The following ZNF804A variants were observed in gnomAD, a reference collection of about 807,000 sequenced individuals.
The protein encoded by ZNF804A is zinc finger protein 804A.
In ZNF804A, 2 loss-of-function variants were observed where a neutral mutation model predicts 16.5. The ratio of observed to expected loss-of-function variants is 0.12; its 90% confidence interval spans 0.05 to 0.38. The LOEUF is 0.38. ZNF804A is among the 10% of genes least tolerant of loss of function. The probability of loss-of-function intolerance (pLI) is 0.99; values close to 1 mark genes in which losing one functional copy is unlikely to be tolerated. For missense variants in ZNF804A, 1,473 were observed against 1,390.7 expected (o/e 1.06, Z -0.94); for synonymous variants, 534 against 489.6 (o/e 1.09, Z -1.20).
intron 2 of ZNF804A, among the ~76,000 whole-genome samples, chr2:184,895,248 G>T (rs1264950122): frequency 6.6e-6 from 1 of 151,954 alleles, no homozygotes; most frequent in Non-Finnish European, 1.5e-5. Flanking sequence ...GAGAGAGAGA[G>T]AGAGAGAAAA....
At chr2:184,650,785 A>G (rs1472493398) in intron 1 of ZNF804A, among the ~76,000 whole-genome samples, 2 of 152,140 alleles carry the variant, frequency 1.3e-5, no homozygotes, top group African/African-American at 4.8e-5. Flanking sequence ...TAAAATACTG[A>G]TGAAAGAAGT....
At chr2:184,742,859 A>T (rs993126162) in intron 1 of ZNF804A, among the ~76,000 whole-genome samples, 1 of 151,918 alleles carries the variant, frequency 6.6e-6, no homozygotes, top group Non-Finnish European at 1.5e-5. Context: ...TAGGAGTCTA[A>T]TAGGAACAGA....
At position 184,683,684 on chromosome 2, in the gene ZNF804A, A is replaced by G. The variant is rs984182752; in HGVS notation, c.111+84614A>G. Among the ~76,000 whole-genome samples the G allele has an allele frequency of 1.0e-3, 154 of 152,190 alleles. 2 individuals are homozygous for G. The highest frequency in any genetic ancestry group is 4.1e-4 in the Non-Finnish European group (28 of 68,016). Reference sequence around the variant, plus strand: ...AGAGGGTGAGGGAAGTGAGACAAAAAAATTGTACAATGCTGATTTAAGAGT... The same window carrying G: ...AGAGGGTGAGGGAAGTGAGACAAAAGAATTGTACAATGCTGATTTAAGAGT... On this transcript the variant is annotated intron_variant, in intron 1 of 3. Coordinates refer to ENST00000302277, the MANE Select transcript of ZNF804A (RefSeq NM_194250.2).
intron 1 of ZNF804A, among the ~76,000 whole-genome samples, chr2:184,619,550 A>G (rs536407138): frequency 6.6e-6 from 1 of 152,144 alleles, no homozygotes; most frequent in African/African-American, 2.4e-5. Flanking sequence ...CTTGCAAGTT[A>G]ATATCATGCC....
intron 1 of ZNF804A, among the ~76,000 whole-genome samples, chr2:184,718,093 C>A (rs886347156): frequency 1.3e-5 from 2 of 152,184 alleles, no homozygotes; most frequent in African/African-American, 2.4e-5. Flanking sequence ...TACAGTTACA[C>A]ATGGCTGGGG....
At chr2:184,614,801 G>C (rs535381646) in intron 1 of ZNF804A, among the ~76,000 whole-genome samples, 1 of 152,202 alleles carries the variant, frequency 6.6e-6, no homozygotes, top group African/African-American at 2.4e-5. Context: ...ATTATCACTG[G>C]TCATTAGAGA....
chr2:184,811,176 A>G (rs532663953), intron 1 of ZNF804A, among the ~76,000 whole-genome samples: 4 of 152,304 alleles, frequency 2.6e-5, no homozygotes, highest in Admixed American at 1.3e-4. Flanking sequence ...TTACAATTAA[A>G]TGCTAGGATT....
chr2:184,724,022 A>G (rs1318523675), intron 1 of ZNF804A, among the ~76,000 whole-genome samples: 2 of 151,724 alleles, frequency 1.3e-5, no homozygotes, highest in South Asian at 2.1e-4. Context: ...GAAGTTCAAC[A>G]TAGTTTTGGC....
intron 1 of ZNF804A, among the ~76,000 whole-genome samples, chr2:184,664,097 T>C (rs1251794070): frequency 6.6e-6 from 1 of 152,230 alleles, no homozygotes; most frequent in African/African-American, 2.4e-5. Flanking sequence ...TTTATTATTG[T>C]TGCCTACCTC....
At chr2:184,744,729 CAAGT>C (rs756069524) in intron 1 of ZNF804A, among the ~76,000 whole-genome samples, 23 of 151,858 alleles carry the variant, frequency 1.5e-4, no homozygotes, top group Non-Finnish European at 2.9e-4. Flanking sequence ...ATTAACAACT[CAAGT>C]AAGTGTTAGT....
At chr2:184,795,857 C>T (rs1191522003) in intron 1 of ZNF804A, among the ~76,000 whole-genome samples, 1 of 152,128 alleles carries the variant, frequency 6.6e-6, no homozygotes, top group Non-Finnish European at 1.5e-5. Context: ...ATACAGCCCT[C>T]CTAGCTTAAA....
At chr2:184,687,517 C>G (rs1457943313) in intron 1 of ZNF804A, among the ~76,000 whole-genome samples, 1 of 152,100 alleles carries the variant, frequency 6.6e-6, no homozygotes, top group African/African-American at 2.4e-5. Context: ...GTGATTTATA[C>G]TTATTTAAAA....
intron 1 of ZNF804A, among the ~76,000 whole-genome samples, chr2:184,732,687 T>C (rs1693539295): frequency 6.6e-6 from 1 of 152,152 alleles, no homozygotes; most frequent in Non-Finnish European, 1.5e-5. Flanking sequence ...ATTTATTTAG[T>C]TATGTAATTT....
intron 2 of ZNF804A, among the ~76,000 whole-genome samples, chr2:184,898,920 T>C (rs1438245865): frequency 1.3e-5 from 2 of 152,014 alleles, no homozygotes; most frequent in African/African-American, 2.4e-5. Flanking sequence ...GTAACTATTT[T>C]ATGATAATAT....
intron 1 of ZNF804A, among the ~76,000 whole-genome samples, chr2:184,846,630 A>C (rs1281234249): frequency 1.3e-5 from 2 of 152,122 alleles, no homozygotes; most frequent in Admixed American, 1.3e-4. Context: ...CTGATTATGC[A>C]CAGAGAGACT....
At chr2:184,734,430 T>A (rs1003252380) in intron 1 of ZNF804A, among the ~76,000 whole-genome samples, 12 of 152,336 alleles carry the variant, frequency 7.9e-5, no homozygotes, top group African/African-American at 2.6e-4. Flanking sequence ...ACTTATGTGT[T>A]ATTTAGAAGT....
chr2:184,761,063 A>G (rs1694030972), intron 1 of ZNF804A, among the ~76,000 whole-genome samples: 1 of 152,190 alleles, frequency 6.6e-6, no homozygotes, highest in South Asian at 2.1e-4. Context: ...TAGAAAGCCA[A>G]CTAATGTGTT....
chr2:184,598,898 G>A lies in ZNF804A; in HGVS notation c.-62G>A. 8.4e-7 allele frequency: 1 copy of A among 1,186,274 alleles called. No individual in the cohort carries two copies. Among genetic ancestry groups the A allele is most frequent in the South Asian group, 1.6e-5 (1 of 62,792 alleles). The allele number at this position is 1,186,274 out of a possible 1,614,324, so 73.5% of individuals were successfully genotyped here. On this transcript the variant is annotated 5_prime_UTR_variant, in exon 1 of 4. Coordinates refer to ENST00000302277, the MANE Select transcript of ZNF804A (RefSeq NM_194250.2). ...CCACCGTCGCCGGCCCCGGCGCGCT[G>A]CGGCTGTGGGCGCGGGGTGCGTGGA...
intron 1 of ZNF804A, among the ~76,000 whole-genome samples, chr2:184,796,482 A>T (rs775940207): frequency 6.6e-6 from 1 of 152,106 alleles, no homozygotes; most frequent in African/African-American, 2.4e-5. Flanking sequence ...GAATTTATCC[A>T]TCTCTTCTAG....
Sources: allele counts gnomAD v4.1 joint callset (sites outside exome capture counted in the v4.1 genomes callset), GRCh38; gene constraint gnomAD v4.1.1; transcripts MANE v1.5; gene names NCBI Gene and HGNC (gene_info 2026-07-23, HGNC 2026-07-21).